The following SFXN5 variants were observed in gnomAD, a reference collection of about 807,000 sequenced individuals.
The protein encoded by SFXN5 is sideroflexin 5, also known as sideroflexin-5.
A neutral mutation model predicts 50.2 loss-of-function variants in SFXN5; 43 were observed. That is an observed-to-expected ratio of 0.86 (90% CI 0.67 to 1.11). The LOEUF is 1.11. Among genes scored for constraint, SFXN5 ranks in the 50% least tolerant of loss-of-function variants. The probability of loss-of-function intolerance (pLI) is 0.00; values close to 1 mark genes in which losing one functional copy is unlikely to be tolerated. For synonymous variants in SFXN5, 203 were observed against 185.8 expected (o/e 1.09, Z -0.75); for missense variants, 463 against 454.1 (o/e 1.02, Z -0.18).
chr2:73,047,277 C>CAT (rs1553522786), intron 2 of SFXN5, among the ~76,000 whole-genome samples: 18 of 56,796 alleles, frequency 3.2e-4, no homozygotes, highest in Non-Finnish European at 4.0e-4. Context: ...TATATATATA[C>CAT]ACACATATAT....
chr2:72,980,536 A>G (rs1671166174), intron 10 of SFXN5, among the ~76,000 whole-genome samples: 1 of 152,186 alleles, frequency 6.6e-6, no homozygotes, highest in Admixed American at 6.5e-5. Context: ...AAGTAGCTTG[A>G]GAATTTGGGG....
In SFXN5 at chr2:73,022,762, C is replaced by T. The variant is rs111593418; in HGVS notation, c.277-186G>A. ...CCTTGTGGCCAGTTAGGCCTTTCCA[C>T]CACTCAAGGCAAAAGAATACCAAAC... On this transcript the variant is annotated intron_variant, in intron 4 of 13. Transcript: ENST00000272433. Among the ~76,000 whole-genome samples the T allele has an allele frequency of 1.9e-3, 284 of 152,236 alleles. 2 individuals carry two copies. Among genetic ancestry groups the T allele is most frequent in the African/African-American group, 5.3e-3 (220 of 41,530 alleles).
At chr2:72,965,185 G>T (rs1257673018) in intron 12 of SFXN5, among the ~76,000 whole-genome samples, 1 of 152,170 alleles carries the variant, frequency 6.6e-6, no homozygotes, top group Non-Finnish European at 1.5e-5. Flanking sequence ...AGGACGTTGA[G>T]GGGAGCACGC....
At chr2:73,056,601 C>A (rs1366608897) in intron 2 of SFXN5, among the ~76,000 whole-genome samples, 1 of 151,486 alleles carries the variant, frequency 6.6e-6, no homozygotes, top group Non-Finnish European at 1.5e-5. Flanking sequence ...AGGAGAATCG[C>A]TTGAACCTGG....
intron 1 of SFXN5, among the ~76,000 whole-genome samples, chr2:73,064,789 TTTTTG>T (rs1161200940): frequency 2.6e-5 from 4 of 152,094 alleles, no homozygotes; most frequent in Non-Finnish European, 5.9e-5. Context: ...GAGCAAGGAA[TTTTTG>T]TTTTATTTTT....
At chr2:72,990,173 A>C (rs553962967) in intron 9 of SFXN5, among the ~76,000 whole-genome samples, 2 of 152,354 alleles carry the variant, frequency 1.3e-5, no homozygotes, top group East Asian at 3.9e-4. Context: ...CCGTGGAGCC[A>C]GAGTACTTCC....
intron 1 of SFXN5, among the ~76,000 whole-genome samples, chr2:73,061,354 G>A (rs1338051788): frequency 2.7e-5 from 4 of 150,530 alleles, no homozygotes; most frequent in Non-Finnish European, 5.9e-5. Context: ...ATTAGGAGAT[G>A]AATGAATACA....
At chr2:73,013,035 GAGA>G (rs57832860) in intron 6 of SFXN5, among the ~76,000 whole-genome samples, 9,008 of 152,094 alleles carry the variant, frequency 0.059, 843 homozygotes, top group African/African-American at 0.2. Flanking sequence ...TATAAATCAG[GAGA>G]AGAAGTGGAA....
At chr2:72,946,410 C>T (rs995230309) in intron 13 of SFXN5, among the ~76,000 whole-genome samples, 1 of 152,212 alleles carries the variant, frequency 6.6e-6, no homozygotes, top group Non-Finnish European at 1.5e-5. Flanking sequence ...TCCAAGGTCA[C>T]TGCCACCCCC....
At chr2:72,985,762 T>C (rs1298775557) in intron 10 of SFXN5, among the ~76,000 whole-genome samples, 1 of 152,166 alleles carries the variant, frequency 6.6e-6, no homozygotes, top group South Asian at 2.1e-4. Flanking sequence ...TGGCTGCACC[T>C]GTGTGAGCGG....
At chr2:72,946,606 A>C (rs1171783634) in intron 13 of SFXN5, among the ~76,000 whole-genome samples, 1 of 151,802 alleles carries the variant, frequency 6.6e-6, no homozygotes, top group East Asian at 1.9e-4. Context: ...AGGCGCCTGA[A>C]CTCAACCCAC....
At chr2:73,067,526 T>C (rs1188100406) in intron 1 of SFXN5, among the ~76,000 whole-genome samples, 1 of 152,210 alleles carries the variant, frequency 6.6e-6, no homozygotes, top group Non-Finnish European at 1.5e-5. Flanking sequence ...TAGGCAGGAA[T>C]TGTTTGTTGT....
At chr2:73,018,955 C>G (rs1676493361) in intron 6 of SFXN5, among the ~76,000 whole-genome samples, 1 of 152,112 alleles carries the variant, frequency 6.6e-6, no homozygotes, top group African/African-American at 2.4e-5. Flanking sequence ...GGAATGAGGG[C>G]ATATATCCAC....
chr2:73,065,260 C>T (rs543335163), intron 1 of SFXN5, among the ~76,000 whole-genome samples: 11 of 152,182 alleles, frequency 7.2e-5, no homozygotes, highest in African/African-American at 1.4e-4. Flanking sequence ...GCTACCACGC[C>T]GAGCTAGTTT....
At chr2:73,023,140 G>T in intron 4 of SFXN5, 48 bp downstream of exon 4, 9 of 1,582,348 alleles carry the variant, frequency 5.7e-6, no homozygotes, top group Non-Finnish European at 7.8e-6. Flanking sequence ...GCAGGGTGGA[G>T]TCCAGGACAA....
chr2:73,065,486 T>C (rs972077778), intron 1 of SFXN5, among the ~76,000 whole-genome samples: 7 of 152,240 alleles, frequency 4.6e-5, no homozygotes, highest in African/African-American at 1.7e-4. Context: ...CTGCAACCTC[T>C]GCCTCCCGGG....
In SFXN5 at chr2:72,992,001, G is replaced by A. The variant is rs952869545; in HGVS notation, c.535-3653C>T. Among the ~76,000 whole-genome samples, 2 of 152,236 alleles carry A rather than the reference G, an allele frequency of 1.3e-5. No homozygotes were observed. Among genetic ancestry groups the A allele is most frequent in the African/African-American group, 4.8e-5 (2 of 41,456 alleles). ...TTTTGGTAGATGGGGAAAACAAACA[G>A]GGTGTGGATTTTGCACAAGAATTTC... is the stretch of plus-strand genomic sequence containing the variant. On this transcript the variant is annotated intron_variant, in intron 9 of 13. Coordinates refer to ENST00000272433, the MANE Select transcript of SFXN5 (RefSeq NM_144579.3). This position sits in a 1 kb window ranked among gnomAD's most constrained non-coding sequence, Gnocchi z 4.5.
chr2:73,060,451 T>C (rs1180105667), intron 1 of SFXN5, among the ~76,000 whole-genome samples: 1 of 152,158 alleles, frequency 6.6e-6, no homozygotes, highest in African/African-American at 2.4e-5. Flanking sequence ...TCATCAAATA[T>C]GTCAATGTCA....
chr2:73,014,167 G>A lies in SFXN5; in HGVS notation c.357+6072C>T, dbSNP rs373651529. The stretch of plus-strand genomic sequence containing the variant: ...ATTTTCTTGTTGATGGAATTTCAGC[G>A]GTTTCCAATTTTTTGCTATCATAAA... On this transcript the variant is annotated intron_variant, in intron 6 of 13. Coordinates refer to ENST00000272433, the MANE Select transcript of SFXN5 (RefSeq NM_144579.3). Among the ~76,000 whole-genome samples the A allele has an allele frequency of 1.1e-3, 164 of 152,022 alleles. 1 individual carries two copies. The highest frequency in any genetic ancestry group is 3.8e-3 in the African/African-American group (158 of 41,478).
Sources: gnomAD v4.1 joint callset for allele counts (sites outside exome capture counted in the v4.1 genomes callset) on GRCh38, gnomAD v4.1.1 for gene constraint, Gnocchi (gnomAD v3.1) non-coding constraint, MANE v1.5 for transcripts, NCBI Gene and HGNC (gene_info 2026-07-23, HGNC 2026-07-21) for gene names.